LITAF: variants seen among roughly 807,000 people sequenced by gnomAD.
The protein encoded by LITAF is lipopolysaccharide-induced tumor necrosis factor-alpha factor.
A neutral mutation model predicts 14.5 loss-of-function variants in LITAF; 9 were observed. The observed-to-expected ratio is 0.62, with a 90% CI of 0.37 to 1.08. The LOEUF (loss-of-function observed/expected upper bound fraction) is 1.08, where lower values mean the gene tolerates loss of function less well. Among genes scored for constraint, LITAF ranks in the 50% least tolerant of loss-of-function variants. LITAF has a pLI of 0.01. For missense variants in LITAF, 206 were observed against 213.4 expected, an observed-to-expected ratio of 0.97 and a Z score of 0.22; for synonymous variants, 98 against 88.2, an observed-to-expected ratio of 1.11 and a Z score of -0.62.
chr16:11,576,669 T>A (rs1057015271), intron 1 of LITAF, among the ~76,000 whole-genome samples: 3 of 151,514 alleles, frequency 2.0e-5, no homozygotes, highest in East Asian at 2.0e-4. Flanking sequence ...GGCGGCTCCA[T>A]CCCACCAACA....
chr16:11,632,475 C>A lies in LITAF; in HGVS notation c.85+1058G>T, dbSNP rs180690094. Among the ~76,000 whole-genome samples the A allele has an allele frequency of 2.1e-4, 32 of 152,266 alleles. No homozygotes were observed. The highest frequency in any genetic ancestry group is 7.7e-4 in the African/African-American group (32 of 41,568). On this transcript the variant is annotated intron_variant, in intron 3 of 3. Coordinates refer to the LITAF transcript ENST00000574848. This position sits in a 1 kb window ranked among gnomAD's most constrained non-coding sequence, Gnocchi z 4.8. ...ACCCTGTTGACAAAGGAGGAAGCAA[C>A]CCAGGGAAGCTCCCGCAGGTCCCAG...
Position 11,605,096 on chromosome 16 carries a change from A to G in LITAF, c.85+28437T>C, listed in dbSNP as rs1308608731. ...TTGAATGGGTCCCTCACCCGTGTGCAGGCCCTCAGGGCTCCCAGGAACAGG... is the reference window on the plus strand; with the variant it reads ...TTGAATGGGTCCCTCACCCGTGTGCGGGCCCTCAGGGCTCCCAGGAACAGG... On this transcript the variant is annotated intron_variant, in intron 3 of 3. Coordinates refer to the LITAF transcript ENST00000574848. This position sits in a 1 kb window ranked among gnomAD's most constrained non-coding sequence, Gnocchi z 4.7. Among the ~76,000 whole-genome samples the G allele has an allele frequency of 6.6e-6, 1 of 152,212 alleles. No homozygotes were observed. The highest frequency in any genetic ancestry group is 2.1e-4 in the South Asian group (1 of 4,836).
chr16:11,620,361 C>G (rs1474854510), intron 3 of LITAF, among the ~76,000 whole-genome samples: 3 of 151,978 alleles, frequency 2.0e-5, no homozygotes, highest in Admixed American at 1.3e-4. Context: ...TGTGGCCCTC[C>G]TCCCAACACT....
Position 11,622,947 on chromosome 16 carries a change from AATATATAT to A in LITAF, c.85+10578_85+10585del, listed in dbSNP as rs56677620. Among the ~76,000 whole-genome samples the A allele has an allele frequency of 1.1e-3, 160 of 145,162 alleles. 2 individuals are homozygous for A. Among genetic ancestry groups the A allele is most frequent in the African/African-American group, 2.6e-3 (102 of 39,836 alleles). ...ATTAGTTGTATAGTTTCATATAATG[AATATATAT>A]ATATATATATATATATAATTTTTTT... On this transcript the variant is annotated intron_variant, in intron 3 of 3. Transcript: ENST00000574848.
chr16:11,568,571 C>T lies in LITAF; in HGVS notation c.-5-11836G>A, dbSNP rs554484500. Among the ~76,000 whole-genome samples, 42 of 152,122 alleles carry T rather than the reference C, an allele frequency of 2.8e-4. 3 individuals are homozygous for T. In the South Asian group the frequency reaches 8.3e-3, roughly 30 times the overall value. On this transcript the variant is annotated intron_variant, in intron 1 of 3. Transcript: ENST00000622633. ...GTACCCAAAGATGTCACAACGTCAA[C>T]AGTTCCAGCCAACAGGTGTGGAGAA...
At chr16:11,619,344 T>G (rs749971861) in intron 3 of LITAF, among the ~76,000 whole-genome samples, 1 of 151,144 alleles carries the variant, frequency 6.6e-6, no homozygotes, top group South Asian at 2.1e-4. Context: ...ACCCCAGCAC[T>G]GCTGGGCTCA....
chr16:11,556,147 C>T, intron 2 of LITAF: 1 of 407,652 alleles, frequency 2.5e-6, no homozygotes, highest in East Asian at 3.6e-5. Context: ...CTCCCTATTC[C>T]TACCTCGGCC....
At chr16:11,556,163 C>G (rs1157382673) in intron 2 of LITAF, 5 of 435,494 alleles carry the variant, frequency 1.1e-5, no homozygotes, top group Non-Finnish European at 1.6e-5. Context: ...CGGCCCTGGC[C>G]TCAGGGCAGA....
chr16:11,639,621 A>T (rs77922496), upstream of LITAF, among the ~76,000 whole-genome samples: 19 of 23,450 alleles, frequency 8.1e-4, no homozygotes, highest in East Asian at 0.012. Context: ...AAGATTTTTA[A>T]AAAAAAAAAA....
At chr16:11,592,394 G>A (rs1256454021) in intron 1 of LITAF, among the ~76,000 whole-genome samples, 1 of 151,980 alleles carries the variant, frequency 6.6e-6, no homozygotes, top group Non-Finnish European at 1.5e-5. Flanking sequence ...TAACCAACAT[G>A]GTGAAACCCC....
intron 3 of LITAF, among the ~76,000 whole-genome samples, chr16:11,627,052 G>C (rs2065088535): frequency 1.3e-5 from 2 of 152,048 alleles, no homozygotes; most frequent in African/African-American, 4.8e-5. Context: ...AGGAACCCGG[G>C]TGTGGACGGC....
intron 3 of LITAF, among the ~76,000 whole-genome samples, chr16:11,619,886 G>A (rs868238778): frequency 6.6e-6 from 1 of 152,054 alleles, no homozygotes; most frequent in Non-Finnish European, 1.5e-5. Context: ...TGTAATCTGC[G>A]GACGGGTGCA....
intron 3 of LITAF, among the ~76,000 whole-genome samples, chr16:11,621,486 T>A (rs2065050966): frequency 6.6e-6 from 1 of 152,220 alleles, no homozygotes; most frequent in Admixed American, 6.5e-5. Flanking sequence ...ATTACAGGCA[T>A]GAGCCACCGC....
rs778921315 is a variant in LITAF at position 11,611,666 on chromosome 16, CT to C, written c.85+21866del. ...CTTTCTTTCTTTTCTTTTTCTTTTT[CT>C]TTTTTTTTTTTTTAAGACAGAGTCT... is the stretch of plus-strand genomic sequence containing the variant. On this transcript the variant is annotated intron_variant, in intron 3 of 3. Coordinates refer to the LITAF transcript ENST00000574848. Among the ~76,000 whole-genome samples, 271 of 142,648 alleles carry C rather than the reference CT, an allele frequency of 1.9e-3. 1 individual carries two copies. Among genetic ancestry groups the C allele is most frequent in the Middle Eastern group, 3.5e-3 (1 of 282 alleles). The allele number at this position is 142,648 out of a possible 152,430, so 93.6% of individuals were successfully genotyped here. A position where few individuals can be genotyped will look rare whatever the true frequency, so the allele number is the denominator to read the frequency against.
chr16:11,625,848 C>T (rs2065080183), intron 3 of LITAF, among the ~76,000 whole-genome samples: 1 of 152,170 alleles, frequency 6.6e-6, no homozygotes, highest in African/African-American at 2.4e-5. Flanking sequence ...GAGACACAGA[C>T]AAGTCCCCCT....
At chr16:11,614,899 G>T (rs1391422144) in intron 3 of LITAF, among the ~76,000 whole-genome samples, 1 of 152,212 alleles carries the variant, frequency 6.6e-6, no homozygotes, top group Non-Finnish European at 1.5e-5. Flanking sequence ...AGTTCTAACG[G>T]CAGGGAGTCA....
chr16:11,556,989 A>G (rs914560487), intron 1 of LITAF, among the ~76,000 whole-genome samples: 2 of 152,164 alleles, frequency 1.3e-5, no homozygotes, highest in African/African-American at 4.8e-5. Context: ...AATAAGGGTC[A>G]TTTCTTCTTC....
chr16:11,617,973 C>T (rs756683717), intron 3 of LITAF, among the ~76,000 whole-genome samples: 2 of 151,550 alleles, frequency 1.3e-5, no homozygotes, highest in African/African-American at 4.8e-5. Flanking sequence ...TGAGATCAAA[C>T]GATCCTCCCA....
upstream of LITAF, among the ~76,000 whole-genome samples, chr16:11,637,289 T>C (rs912678444): frequency 2.6e-5 from 4 of 152,118 alleles, no homozygotes; most frequent in African/African-American, 9.7e-5. Context: ...TCTCTTTGGG[T>C]CAGTGTGGCT....
Sources: allele counts gnomAD v4.1 joint callset (sites outside exome capture counted in the v4.1 genomes callset), GRCh38; gene constraint gnomAD v4.1.1; non-coding constraint Gnocchi (gnomAD v3.1); transcripts MANE v1.5; gene names NCBI Gene and HGNC (gene_info 2026-07-23, HGNC 2026-07-21).